The following VWC2L variants were observed in gnomAD, a reference collection of about 807,000 sequenced individuals.
VWC2L encodes the protein von Willebrand factor C domain-containing protein 2-like.
A neutral mutation model predicts 21.6 loss-of-function variants in VWC2L; 10 were observed. The observed-to-expected ratio is 0.46, with a 90% CI of 0.29 to 0.78. The LOEUF (loss-of-function observed/expected upper bound fraction) is 0.78. Among genes scored for constraint, VWC2L ranks in the 30% least tolerant of loss-of-function variants. The pLI is 0.10. For synonymous variants in VWC2L, 96 were observed against 94.3 expected, an observed-to-expected ratio of 1.02 and a Z score of -0.10; for missense variants, 209 against 277.1, an observed-to-expected ratio of 0.75 and a Z score of 1.74.
chr2:214,427,987 T>G (rs1702550624), intron 2 of VWC2L, among the ~76,000 whole-genome samples: 2 of 152,222 alleles, frequency 1.3e-5, no homozygotes, highest in Admixed American at 1.3e-4. Context: ...GGGCTGACTG[T>G]ATGTTTTACA....
rs1225946908 is a variant in VWC2L at position 214,441,654 on chromosome 2, C to A, written c.520+4896C>A. On this transcript the variant is annotated intron_variant, in intron 3 of 3. Transcript: ENST00000312504. ...TTCCCACATTCACATACAAAATTTT[C>A]ACCCCATTTTGAGAGTGAAAAGTTG... 2.0e-5 allele frequency among the ~76,000 whole-genome samples: 3 copies of A among 152,060 alleles called. No homozygotes were observed. In the East Asian group the frequency reaches 5.8e-4, roughly 29 times the overall value.
At chr2:214,567,581 C>G (rs866253482) in intron 3 of VWC2L, among the ~76,000 whole-genome samples, 13,345 of 51,050 alleles carry the variant, frequency 0.26, 881 homozygotes, top group Middle Eastern at 0.34. Context: ...CACACACACA[C>G]ACACACACAC....
chr2:214,414,296 G>T lies in VWC2L; in HGVS notation c.103G>T (p.Asp35Tyr). Residue 35 changes from aspartate (D) to tyrosine (Y), a missense_variant, in exon 2 of 4, where the codon GAC becomes TAC. Physicochemically the swap from Asp to Tyr is radical, Grantham distance 160. Coordinates refer to ENST00000312504, the MANE Select transcript of VWC2L (RefSeq NM_001080500.4). ...TGAAGACTATCCTGCTGATGAAGGTGACCAGATCTCCAGTAATGACAATCT... is the reference window on the plus strand; with the variant it reads ...TGAAGACTATCCTGCTGATGAAGGTTACCAGATCTCCAGTAATGACAATCT... ...SHEDYPADEG[D>Y]QISSNDNLIF... 4 of 1,613,842 alleles carry T rather than the reference G, an allele frequency of 2.5e-6. No homozygotes were observed. Among genetic ancestry groups the T allele is most frequent in the African/African-American group, 1.3e-5 (1 of 75,014 alleles).
At position 214,573,218 on chromosome 2, in the gene VWC2L, G is replaced by A. The variant is rs920341258; in HGVS notation, c.521-2454G>A. Reference sequence around the variant, plus strand: ...ATATTACCCAGCCTCCCGTGAGCCAGTAGCATGTCTCTACACATACACATA... The same window carrying A: ...ATATTACCCAGCCTCCCGTGAGCCAATAGCATGTCTCTACACATACACATA... On this transcript the variant is annotated intron_variant, in intron 3 of 3. Coordinates refer to ENST00000312504, the MANE Select transcript of VWC2L (RefSeq NM_001080500.4). Among the ~76,000 whole-genome samples the A allele has an allele frequency of 2.0e-5, 3 of 151,972 alleles. No individual in the cohort carries two copies. The South Asian group carries it at 6.2e-4, about 32-fold the overall frequency.
chr2:214,572,665 T>C (rs77153629), intron 3 of VWC2L, among the ~76,000 whole-genome samples: 1 of 152,200 alleles, frequency 6.6e-6, no homozygotes, highest in Non-Finnish European at 1.5e-5. Context: ...AGAATCATTT[T>C]AAATAGTGCC....
At position 214,576,791 on chromosome 2, in the gene VWC2L, C is replaced by T. The variant is rs1690236592; in HGVS notation, c.*971C>T. The stretch of plus-strand genomic sequence containing the variant: ...GATTTGGCTAAAAGTCAGTAGTACA[C>T]ACTGGCAGTTTTTGTGGTTCGGGAC... On this transcript the variant is annotated 3_prime_UTR_variant, in exon 4 of 4. Coordinates refer to ENST00000312504, the MANE Select transcript of VWC2L (RefSeq NM_001080500.4). 6.6e-6 allele frequency: 1 copy of T among 152,162 alleles called. No individual in the cohort carries two copies. Among genetic ancestry groups the T allele is most frequent in the Admixed American group, 6.5e-5 (1 of 15,272 alleles). The allele number at this position is 152,162 out of a possible 1,614,324, so 9.4% of individuals were successfully genotyped here.
intron 3 of VWC2L, among the ~76,000 whole-genome samples, chr2:214,562,100 A>G (rs1428970064): frequency 1.3e-5 from 2 of 152,036 alleles, no homozygotes; most frequent in South Asian, 2.1e-4. Context: ...CTCATCACCC[A>G]GGTATTAAGC....
chr2:214,443,832 T>C (rs1702798542), intron 3 of VWC2L, among the ~76,000 whole-genome samples: 1 of 152,134 alleles, frequency 6.6e-6, no homozygotes, highest in Non-Finnish European at 1.5e-5. Flanking sequence ...ACATACTAGC[T>C]AATGTAATTA....
intron 3 of VWC2L, among the ~76,000 whole-genome samples, chr2:214,495,672 AGAG>A (rs1688801800): frequency 6.6e-6 from 1 of 152,138 alleles, no homozygotes; most frequent in Non-Finnish European, 1.5e-5. Context: ...TCTACCAAAC[AGAG>A]CTGTTCTATC....
intron 3 of VWC2L, among the ~76,000 whole-genome samples, chr2:214,571,451 T>A (rs1009805676): frequency 1.3e-5 from 2 of 152,238 alleles, no homozygotes; most frequent in Admixed American, 6.5e-5. Flanking sequence ...ATTATCACCA[T>A]GTGTTTTCAT....
At chr2:214,413,213 AGTTAT>A (rs1702303034) in intron 1 of VWC2L, among the ~76,000 whole-genome samples, 3 of 152,026 alleles carry the variant, frequency 2.0e-5, no homozygotes, top group African/African-American at 7.2e-5. Flanking sequence ...ACATTTCAAG[AGTTAT>A]GTTTTCAAGA....
chr2:214,463,404 A>T (rs911454360), intron 3 of VWC2L, among the ~76,000 whole-genome samples: 1 of 152,134 alleles, frequency 6.6e-6, no homozygotes, highest in Non-Finnish European at 1.5e-5. Context: ...TGATATTACT[A>T]TAGCCATTCC....
chr2:214,549,702 G>A (rs1689762793), intron 3 of VWC2L, among the ~76,000 whole-genome samples: 1 of 152,204 alleles, frequency 6.6e-6, no homozygotes, highest in Non-Finnish European at 1.5e-5. Context: ...GAACCCGGGA[G>A]GCAGAGGTTG....
chr2:214,521,280 A>AAT (rs1264716405), intron 3 of VWC2L, among the ~76,000 whole-genome samples: 7,267 of 147,052 alleles, frequency 0.049, 236 homozygotes, highest in South Asian at 0.097. Flanking sequence ...AATAAATAAA[A>AAT]CTACCAAGTT....
intron 2 of VWC2L, among the ~76,000 whole-genome samples, chr2:214,432,332 A>G (rs1298052651): frequency 6.6e-6 from 1 of 152,186 alleles, no homozygotes; most frequent in African/African-American, 2.4e-5. Context: ...AAAAAAATGT[A>G]AAGAAATCAG....
intron 3 of VWC2L, among the ~76,000 whole-genome samples, chr2:214,530,534 C>A (rs1445423813): frequency 6.6e-6 from 1 of 152,114 alleles, no homozygotes; most frequent in Non-Finnish European, 1.5e-5. Flanking sequence ...AAAAGATAGG[C>A]AGACATAGAC....
At chr2:214,525,716 G>A (rs1689322480) in intron 3 of VWC2L, among the ~76,000 whole-genome samples, 1 of 152,144 alleles carries the variant, frequency 6.6e-6, no homozygotes, top group African/African-American at 2.4e-5. Flanking sequence ...AAAAAAGTCA[G>A]TCAATAACAT....
At chr2:214,523,816 C>G (rs184002051) in intron 3 of VWC2L, among the ~76,000 whole-genome samples, 1 of 152,132 alleles carries the variant, frequency 6.6e-6, no homozygotes, top group Admixed American at 6.5e-5. Context: ...GCCTGGGTGA[C>G]AAAGCAAGAC....
At chr2:214,474,243 T>C (rs1232656972) in intron 3 of VWC2L, among the ~76,000 whole-genome samples, 1 of 152,168 alleles carries the variant, frequency 6.6e-6, no homozygotes, top group African/African-American at 2.4e-5. Context: ...ATGTCACACA[T>C]AAAAGCTTAC....
Sources: gnomAD v4.1 joint callset for allele counts (sites outside exome capture counted in the v4.1 genomes callset) on GRCh38, gnomAD v4.1.1 for gene constraint, MANE v1.5 for transcripts, NCBI Gene and HGNC (gene_info 2026-07-23, HGNC 2026-07-21) for gene names.